Variants in CNTNAP2 observed in about 807,000 individuals in gnomAD.
CNTNAP2 encodes the protein contactin-associated protein-like 2.
In CNTNAP2, 98 loss-of-function variants were observed where a neutral mutation model predicts 155.2. The observed-to-expected ratio is 0.63, with a 90% CI of 0.54 to 0.75. The LOEUF (loss-of-function observed/expected upper bound fraction) is 0.75. CNTNAP2 is among the 30% of genes least tolerant of loss of function. The pLI is 0.00. For missense variants in CNTNAP2, 1,727 were observed against 1,688.1 expected (o/e 1.02, Z -0.40); for synonymous variants, 651 against 631.2 (o/e 1.03, Z -0.47).
intron 4 of CNTNAP2, among the ~76,000 whole-genome samples, chr7:147,066,280 G>C (rs543593526): frequency 6.6e-6 from 1 of 152,218 alleles, no homozygotes; most frequent in Non-Finnish European, 1.5e-5. Context: ...CGTCAGTTCT[G>C]TTACCATTAC....
rs185576226 is a variant in CNTNAP2 at position 146,406,520 on chromosome 7, T to C, written c.97+289547T>C. Among the ~76,000 whole-genome samples, 359 of 152,248 alleles carry C rather than the reference T, an allele frequency of 2.4e-3. 2 individuals are homozygous for C. The highest frequency in any genetic ancestry group is 4.0e-3 in the Non-Finnish European group (275 of 68,016). On this transcript the variant is annotated intron_variant, in intron 1 of 23. Coordinates refer to ENST00000361727, the MANE Select transcript of CNTNAP2 (RefSeq NM_014141.6). The stretch of plus-strand genomic sequence containing the variant: ...TATTAAAACAATAAATCAAAGCACG[T>C]AGAATAAGGAGCTGAGATCTTGAGA...
intron 8 of CNTNAP2, among the ~76,000 whole-genome samples, chr7:147,174,984 C>G (rs543931678): frequency 5.9e-5 from 9 of 151,986 alleles, no homozygotes; most frequent in Non-Finnish European, 1.2e-4. Flanking sequence ...ACCGCCGACT[C>G]CATCATAATG....
intron 1 of CNTNAP2, among the ~76,000 whole-genome samples, chr7:146,759,711 A>AAAAAAAAG (rs1309834469): frequency 1.2e-4 from 7 of 60,730 alleles, no homozygotes; most frequent in African/African-American, 2.4e-4. Context: ...AAAAAAAAAA[A>AAAAAAAAG]GGTGGGTGGG....
chr7:146,700,900 A>G (rs1230744877), intron 1 of CNTNAP2, among the ~76,000 whole-genome samples: 1 of 152,288 alleles, frequency 6.6e-6, no homozygotes, highest in East Asian at 1.9e-4. Context: ...GCAAGCCAAC[A>G]AAGGATAAGA....
chr7:146,928,803 G>A (rs946548835), intron 3 of CNTNAP2, among the ~76,000 whole-genome samples: 5 of 152,252 alleles, frequency 3.3e-5, no homozygotes, highest in South Asian at 2.1e-4. Flanking sequence ...CTGGCTCGGA[G>A]GGTCCTACGC....
chr7:146,826,911 T>G (rs191620590), intron 2 of CNTNAP2, among the ~76,000 whole-genome samples: 67 of 148,234 alleles, frequency 4.5e-4, no homozygotes, highest in Middle Eastern at 7.1e-3. Flanking sequence ...TAAAATAAAT[T>G]AAGCCAAGAA....
At chr7:146,930,978 A>T (rs957505101) in intron 3 of CNTNAP2, among the ~76,000 whole-genome samples, 2 of 152,148 alleles carry the variant, frequency 1.3e-5, no homozygotes, top group African/African-American at 2.4e-5. Context: ...CTCCCACACA[A>T]TAATAATGGG....
At chr7:146,609,277 A>G (rs1477358281) in intron 1 of CNTNAP2, among the ~76,000 whole-genome samples, 5 of 152,226 alleles carry the variant, frequency 3.3e-5, no homozygotes, top group Admixed American at 2.6e-4. Context: ...CATTATCGGT[A>G]TTTGCACCCA....
intron 18 of CNTNAP2, among the ~76,000 whole-genome samples, chr7:148,212,367 C>T (rs142084660): frequency 6.2e-4 from 94 of 152,066 alleles, no homozygotes; most frequent in African/African-American, 2.1e-3. Flanking sequence ...AACTTTGTGA[C>T]CCTGAGTCCA....
At chr7:146,779,498 A>G (rs1802445222) in intron 2 of CNTNAP2, among the ~76,000 whole-genome samples, 1 of 152,124 alleles carries the variant, frequency 6.6e-6, no homozygotes, top group Non-Finnish European at 1.5e-5. Context: ...TAGCCCAATG[A>G]TGGTGCCTAA....
chr7:148,284,267 G>T (rs1797042334), intron 21 of CNTNAP2, among the ~76,000 whole-genome samples: 1 of 152,056 alleles, frequency 6.6e-6, no homozygotes, highest in East Asian at 1.9e-4. Flanking sequence ...TTGAATCATG[G>T]GGGGGTTTCC....
chr7:147,173,062 C>T (rs10270806), intron 8 of CNTNAP2, among the ~76,000 whole-genome samples: 79,063 of 151,930 alleles, frequency 0.52, 21,283 homozygotes, highest in South Asian at 0.7. Context: ...AACCAAGATA[C>T]ACAAGAAAAC....
At chr7:148,311,741 A>AGCCTAGCCTGTAC (rs1310323119) in intron 21 of CNTNAP2, among the ~76,000 whole-genome samples, 1 of 152,202 alleles carries the variant, frequency 6.6e-6, no homozygotes, top group African/African-American at 2.4e-5. Flanking sequence ...GGCTTGTACT[A>AGCCTAGCCTGTAC]TAGCATAGCC....
intron 1 of CNTNAP2, among the ~76,000 whole-genome samples, chr7:146,682,736 T>C (rs1039639850): frequency 2.6e-5 from 4 of 152,210 alleles, no homozygotes; most frequent in Non-Finnish European, 5.9e-5. Flanking sequence ...TCAACAGACA[T>C]TTCAGGGCAA....
chr7:147,307,587 C>T (rs1012849924), intron 9 of CNTNAP2, among the ~76,000 whole-genome samples: 1 of 135,392 alleles, frequency 7.4e-6, no homozygotes, highest in African/African-American at 3.2e-5. Flanking sequence ...CCATACCCCA[C>T]CTGCCCCCCC....
chr7:147,571,596 T>C (rs908004448), intron 12 of CNTNAP2, among the ~76,000 whole-genome samples: 2 of 152,088 alleles, frequency 1.3e-5, no homozygotes, highest in African/African-American at 4.8e-5. Flanking sequence ...GGAATTGTAC[T>C]GGATATCATC....
chr7:147,885,771 C>T (rs1799591181), intron 13 of CNTNAP2, among the ~76,000 whole-genome samples: 1 of 152,206 alleles, frequency 6.6e-6, no homozygotes, highest in South Asian at 2.1e-4. Flanking sequence ...CTTTCTGAAA[C>T]ACTCACCGCT....
At chr7:147,631,044 C>T (rs944817511) in intron 12 of CNTNAP2, among the ~76,000 whole-genome samples, 1 of 152,002 alleles carries the variant, frequency 6.6e-6, no homozygotes, top group Admixed American at 6.6e-5. Context: ...GTGCTGTTCA[C>T]AGATGATATG....
chr7:148,237,006 A>G (rs1796052427), intron 20 of CNTNAP2, among the ~76,000 whole-genome samples: 2 of 152,176 alleles, frequency 1.3e-5, no homozygotes, highest in South Asian at 4.2e-4. Context: ...TTACAACTCA[A>G]CATGAGATTT....
Sources: allele counts gnomAD v4.1 joint callset (sites outside exome capture counted in the v4.1 genomes callset), GRCh38; gene constraint gnomAD v4.1.1; transcripts MANE v1.5; gene names NCBI Gene and HGNC (gene_info 2026-07-23, HGNC 2026-07-21).